Variants in GASK1B observed in about 807,000 individuals in gnomAD.
The protein encoded by GASK1B is Golgi-associated kinase 1B.
In GASK1B, 34 loss-of-function variants were observed where a neutral mutation model predicts 42.8. The observed-to-expected ratio is 0.79, with a 90% confidence interval of 0.60 to 1.06. The LOEUF is 1.06. GASK1B is among the 50% of genes least tolerant of loss of function. GASK1B has a pLI of 0.00. For synonymous variants in GASK1B, 262 were observed against 259.1 expected, an observed-to-expected ratio of 1.01 and a Z score of -0.11; for missense variants, 686 against 661.0, an observed-to-expected ratio of 1.04 and a Z score of -0.42.
chr4:158,154,589 G>A (rs1000977298), intron 3 of GASK1B, among the ~76,000 whole-genome samples: 41 of 152,148 alleles, frequency 2.7e-4, no homozygotes, highest in Non-Finnish European at 5.1e-4. Flanking sequence ...ATTTGCAATT[G>A]CAAAAATATG....
chr4:158,156,606 G>A (rs1376480235), intron 2 of GASK1B, among the ~76,000 whole-genome samples: 1 of 152,112 alleles, frequency 6.6e-6, no homozygotes, highest in Non-Finnish European at 1.5e-5. Context: ...GAGCCCCAGT[G>A]AAATAATCAT....
chr4:158,138,381 G>A (rs1194906896), intron 3 of GASK1B, among the ~76,000 whole-genome samples: 5 of 152,102 alleles, frequency 3.3e-5, no homozygotes, highest in Non-Finnish European at 4.4e-5. Flanking sequence ...TGCATTTTAT[G>A]AAATTCTGAT....
At chr4:158,146,262 G>A (rs1256840670) in intron 3 of GASK1B, among the ~76,000 whole-genome samples, 1 of 151,786 alleles carries the variant, frequency 6.6e-6, no homozygotes, top group East Asian at 1.9e-4. Context: ...GAAATTTATA[G>A]TTTGTCAAGA....
Position 158,147,651 on chromosome 4 carries a change from G to T in GASK1B, c.1125+7960C>A, listed in dbSNP as rs141302750. 8.0e-4 allele frequency among the ~76,000 whole-genome samples: 121 copies of T among 151,330 alleles called. 1 individual carries two copies. The highest frequency in any genetic ancestry group is 2.9e-3 in the African/African-American group (120 of 41,298). ...TTAAATTTAAATTAAAAAAAAACTT[G>T]TATGATGGTGAATACAGGAAGTAAA... On this transcript the variant is annotated intron_variant, in intron 3 of 4. Transcript: ENST00000585682.
intron 3 of GASK1B, among the ~76,000 whole-genome samples, chr4:158,143,605 A>G (rs1731218524): frequency 6.6e-6 from 1 of 152,172 alleles, no homozygotes; most frequent in African/African-American, 2.4e-5. Context: ...AGGAGCATCA[A>G]AGTTCGCTGC....
rs1730653264 is a variant in GASK1B at position 158,130,900 on chromosome 4, G to T, written c.1238C>A (p.Ala413Glu). 6.2e-7 allele frequency: 1 copy of T among 1,614,064 alleles called. No homozygotes were observed. Among genetic ancestry groups the T allele is most frequent in the African/African-American group, 1.3e-5 (1 of 75,022 alleles). The change falls in exon 4 of 5, where the codon GCA (alanine) becomes GAA (glutamate). Residue 413 changes from alanine (A) to glutamate (E), a missense_variant. Physicochemically the swap from Ala to Glu is moderately radical, Grantham distance 107. Transcript: ENST00000585682. ...KCDDQGSAAL[A>E]HIIQRKHDPR... ...GTCATGCTTTCGCTGGATAATGTGT[G>T]CTAGAGCCGCAGAACCTTGGTCATC...
intron 3 of GASK1B, among the ~76,000 whole-genome samples, chr4:158,135,690 G>A (rs564303661): frequency 1.3e-5 from 2 of 151,764 alleles, no homozygotes; most frequent in South Asian, 2.1e-4. Flanking sequence ...TCTCCAAAAC[G>A]ATACTGCAAA....
At position 158,126,263 on chromosome 4, in the gene GASK1B, T is replaced by A. The variant is rs1730449974; in HGVS notation, c.*1144A>T. 2.0e-5 allele frequency: 3 copies of A among 152,152 alleles called. No homozygotes were observed. Among genetic ancestry groups the A allele is most frequent in the Non-Finnish European group, 4.4e-5 (3 of 67,988 alleles). The allele number at this position is 152,152 out of a possible 1,614,324, so 9.4% of individuals were successfully genotyped here. ...AACCTGATTTGTCCATGTCTTCCAA[T>A]CTGATTTAAAAAGTGTTAGAAGGAG... On this transcript the variant is annotated 3_prime_UTR_variant, in exon 5 of 5. Transcript: ENST00000585682.
At chr4:158,160,530 G>C (rs1362225857) in intron 2 of GASK1B, among the ~76,000 whole-genome samples, 1 of 152,084 alleles carries the variant, frequency 6.6e-6, no homozygotes, top group Non-Finnish European at 1.5e-5. Flanking sequence ...GCCATGATGG[G>C]AAACAGTATG....
At chr4:158,128,955 A>T (rs1730563850) in intron 4 of GASK1B, among the ~76,000 whole-genome samples, 1 of 152,252 alleles carries the variant, frequency 6.6e-6, no homozygotes, top group Admixed American at 6.5e-5. Flanking sequence ...TAACTGTGGC[A>T]GAATGTATGA....
intron 3 of GASK1B, among the ~76,000 whole-genome samples, chr4:158,133,100 A>C (rs1407854951): frequency 1.3e-5 from 2 of 152,214 alleles, no homozygotes; most frequent in African/African-American, 2.4e-5. Context: ...AAGAGAAATC[A>C]AATGATATAA....
intron 2 of GASK1B, among the ~76,000 whole-genome samples, chr4:158,157,762 G>GA (rs1731813070): frequency 6.6e-6 from 1 of 152,080 alleles, no homozygotes; most frequent in African/African-American, 2.4e-5. Flanking sequence ...AAGGCCTTTG[G>GA]AGAAATATGG....
At position 158,171,611 on chromosome 4, in the gene GASK1B, T is replaced by C. The variant is rs1732543394; in HGVS notation, c.-224-12A>G. ...AATGCGGCTTGTTTCTGGGAATGAATGGATACAGAGTTAACTGAGTCACAA... is the reference window on the plus strand; with the variant it reads ...AATGCGGCTTGTTTCTGGGAATGAACGGATACAGAGTTAACTGAGTCACAA... On this transcript the variant is annotated splice_polypyrimidine_tract_variant and intron_variant, in intron 1 of 4. Coordinates refer to ENST00000585682, the MANE Select transcript of GASK1B (RefSeq NM_001128424.2). 2.4e-6 allele frequency: 1 copy of C among 422,784 alleles called. No homozygotes were observed. Among genetic ancestry groups the C allele is most frequent in the African/African-American group, 2.0e-5 (1 of 50,012 alleles). The allele number at this position is 422,784 out of a possible 1,614,324, so 26.2% of individuals were successfully genotyped here. A position where few individuals can be genotyped will look rare whatever the true frequency, so the allele number is the denominator to read the frequency against.
At chr4:158,149,191 A>G (rs11100152) in intron 3 of GASK1B, among the ~76,000 whole-genome samples, 14,826 of 152,228 alleles carry the variant, frequency 0.097, 851 homozygotes, top group Non-Finnish European at 0.11. Context: ...TTTTGACCTC[A>G]TAAAAATTAG....
At chr4:158,165,962 C>T (rs1732216162) in intron 2 of GASK1B, among the ~76,000 whole-genome samples, 1 of 152,168 alleles carries the variant, frequency 6.6e-6, no homozygotes, top group Non-Finnish European at 1.5e-5. Flanking sequence ...TTCTTTGTCA[C>T]AATTGAAAAA....
intron 3 of GASK1B, among the ~76,000 whole-genome samples, chr4:158,144,510 A>G (rs948994613): frequency 2.0e-5 from 3 of 152,184 alleles, no homozygotes; most frequent in Non-Finnish European, 4.4e-5. Flanking sequence ...GGAATTTGTC[A>G]TTTTTAATCC....
intron 2 of GASK1B, among the ~76,000 whole-genome samples, chr4:158,165,571 AT>A (rs1732198726): frequency 6.6e-6 from 1 of 152,236 alleles, no homozygotes. Context: ...TTGAGTAAAA[AT>A]ATTGTCAATG....
intron 3 of GASK1B, among the ~76,000 whole-genome samples, chr4:158,140,152 GA>G (rs201123905): frequency 0.01 from 1,534 of 152,112 alleles, 12 homozygotes; most frequent in Non-Finnish European, 0.015. Context: ...TATCAACACT[GA>G]AAAAAGTGAA....
chr4:158,170,766 T>A lies in GASK1B; in HGVS notation c.610A>T (p.Asn204Tyr). 6.2e-7 allele frequency: 1 copy of A among 1,614,214 alleles called. No homozygotes were observed. Among genetic ancestry groups the A allele is most frequent in the Non-Finnish European group, 8.5e-7 (1 of 1,180,020 alleles). The change falls in exon 2 of 5, where the codon AAC becomes TAC. Residue 204 changes from asparagine (N) to tyrosine (Y), a missense_variant. Transcript: ENST00000585682. ...GCGCTCTCGCTGTAGATCCTAATGTTGCTCTCCCTGGAGCTGGGCTGCAGG... is the reference window on the plus strand; with the variant it reads ...GCGCTCTCGCTGTAGATCCTAATGTAGCTCTCCCTGGAGCTGGGCTGCAGG... ...DFLQPSSRESNIRIYSESAPS... is the reference protein window; with the variant it reads ...DFLQPSSRESYIRIYSESAPS...
Sources: allele counts gnomAD v4.1 joint callset (sites outside exome capture counted in the v4.1 genomes callset), GRCh38; gene constraint gnomAD v4.1.1; transcripts MANE v1.5; gene names NCBI Gene and HGNC (gene_info 2026-07-23, HGNC 2026-07-21).